RANBP2: variants seen among roughly 807,000 people sequenced by gnomAD.
RANBP2 encodes the protein E3 SUMO-protein ligase RanBP2.
A neutral mutation model predicts 303.6 loss-of-function variants in RANBP2; 57 were observed. The ratio of observed to expected loss-of-function variants is 0.19; its 90% CI spans 0.15 to 0.23. The LOEUF (loss-of-function observed/expected upper bound fraction) is 0.23. Among genes scored for constraint, RANBP2 ranks in the 10% least tolerant of loss-of-function variants. The pLI is 1.00. For synonymous variants in RANBP2, 1,167 were observed against 1,301.5 expected (o/e 0.90, Z 2.23); for missense variants, 3,138 against 3,780.8 (o/e 0.83, Z 4.46).
chr2:109,389,826 G>A, the RANBP2 span, among the ~76,000 whole-genome samples: 106 of 152,168 alleles, frequency 7.0e-4, no homozygotes, highest in African/African-American at 2.4e-3. Context: ...TCCCTGATGG[G>A]GGTGCACTGT....
the RANBP2 span, among the ~76,000 whole-genome samples, chr2:109,113,449 G>C: frequency 6.6e-6 from 1 of 152,156 alleles, no homozygotes; most frequent in Non-Finnish European, 1.5e-5. Flanking sequence ...TGTTATTGGT[G>C]TATAAGAATG....
chr2:108,977,329 C>T, the RANBP2 span, among the ~76,000 whole-genome samples: 2 of 152,116 alleles, frequency 1.3e-5, no homozygotes, highest in Admixed American at 6.5e-5. Context: ...AATGCAGTGG[C>T]GCGATCTCGG....
At chr2:109,206,490 C>CAAAAAAAAAAAAAAA in the RANBP2 span, among the ~76,000 whole-genome samples, 2 of 40,760 alleles carry the variant, frequency 4.9e-5, no homozygotes, top group African/African-American at 2.0e-4. Flanking sequence ...GACTCCGTCT[C>CAAAAAAAAAAAAAAA]AAAAAAAAAA....
At chr2:109,170,316 C>T in the RANBP2 span, among the ~76,000 whole-genome samples, 6 of 135,724 alleles carry the variant, frequency 4.4e-5, no homozygotes, top group East Asian at 4.4e-4. Context: ...TCTCTTCTCT[C>T]CTCTCTCTCT....
chr2:109,178,282 T>C, the RANBP2 span, among the ~76,000 whole-genome samples: 1 of 152,236 alleles, frequency 6.6e-6, no homozygotes, highest in African/African-American at 2.4e-5. Flanking sequence ...GCCTCTTTGC[T>C]TTAATTTTTA....
At chr2:109,655,482 A>G in the RANBP2 span, among the ~76,000 whole-genome samples, 1 of 152,172 alleles carries the variant, frequency 6.6e-6, no homozygotes, top group Admixed American at 6.5e-5. Context: ...TGACTCATGC[A>G]CAGGAAGAGG....
the RANBP2 span, chr2:109,436,903 G>A: frequency 6.2e-7 from 1 of 1,613,334 alleles, no homozygotes; most frequent in East Asian, 2.2e-5. Context: ...GGTGCCTGCA[G>A]GAGGGGCAGG....
the RANBP2 span, among the ~76,000 whole-genome samples, chr2:109,234,888 G>A: frequency 6.6e-6 from 1 of 152,224 alleles, no homozygotes; most frequent in Non-Finnish European, 1.5e-5. Flanking sequence ...AAAGGATTCA[G>A]GGCAAACTAG....
chr2:108,757,983 T>G (rs1426655127), intron 17 of RANBP2, among the ~76,000 whole-genome samples: 1 of 152,182 alleles, frequency 6.6e-6, no homozygotes, highest in Non-Finnish European at 1.5e-5. Context: ...TAGAACTCAC[T>G]GGCAAATAGA....
At chr2:109,202,286 C>G in the RANBP2 span, among the ~76,000 whole-genome samples, 2 of 152,156 alleles carry the variant, frequency 1.3e-5, no homozygotes, top group African/African-American at 2.4e-5. Context: ...ATCTCGGCAG[C>G]GTCTGGACCC....
the RANBP2 span, among the ~76,000 whole-genome samples, chr2:109,096,800 CTT>C: frequency 4.6e-4 from 65 of 142,604 alleles, no homozygotes; most frequent in East Asian, 1.4e-3. Context: ...TTTGGAAACG[CTT>C]TTTTTTTTTT....
At chr2:108,888,193 C>T in the RANBP2 span, among the ~76,000 whole-genome samples, 1 of 152,034 alleles carries the variant, frequency 6.6e-6, no homozygotes, top group East Asian at 1.9e-4. Context: ...TTGAACTATC[C>T]TTGCATCCCT....
the RANBP2 span, among the ~76,000 whole-genome samples, chr2:108,833,894 A>ATTTTT: frequency 4.0e-4 from 32 of 79,214 alleles, no homozygotes; most frequent in African/African-American, 1.6e-3. Context: ...CGCCCGGCTA[A>ATTTTT]TTTTTTTTTT....
At chr2:108,919,239 G>A in the RANBP2 span, among the ~76,000 whole-genome samples, 2 of 152,210 alleles carry the variant, frequency 1.3e-5, no homozygotes, top group African/African-American at 4.8e-5. Flanking sequence ...ACGCAGAGTA[G>A]CAGAGATTTC....
chr2:109,201,906 G>A, the RANBP2 span, among the ~76,000 whole-genome samples: 2 of 152,222 alleles, frequency 1.3e-5, no homozygotes, highest in Non-Finnish European at 2.9e-5. Context: ...TGACACATCT[G>A]AAATCAATAC....
At chr2:109,452,272 C>T in the RANBP2 span, among the ~76,000 whole-genome samples, 8,888 of 152,248 alleles carry the variant, frequency 0.058, 804 homozygotes, top group African/African-American at 0.19. Flanking sequence ...CCCTGCAGGC[C>T]GCTTCCTGAG....
chr2:109,452,862 G>A, the RANBP2 span, among the ~76,000 whole-genome samples: 6 of 148,562 alleles, frequency 4.0e-5, no homozygotes, highest in African/African-American at 1.5e-4. Context: ...GGCTGGTCCC[G>A]GGAGGCTGGT....
chr2:109,412,228 AAC>A, the RANBP2 span, among the ~76,000 whole-genome samples: 4 of 152,324 alleles, frequency 2.6e-5, no homozygotes, highest in Non-Finnish European at 4.4e-5. Flanking sequence ...CAGCAGACAA[AAC>A]ACAGTCTCCT....
chr2:109,461,729 G>A, the RANBP2 span, among the ~76,000 whole-genome samples: 8 of 152,312 alleles, frequency 5.3e-5, no homozygotes, highest in South Asian at 1.2e-3. Context: ...TGCCACAATA[G>A]TGCCTCAGGC....
Sources: gnomAD v4.1 joint callset for allele counts (sites outside exome capture counted in the v4.1 genomes callset) on GRCh38, gnomAD v4.1.1 for gene constraint, MANE v1.5 for transcripts, NCBI Gene and HGNC (gene_info 2026-07-23, HGNC 2026-07-21) for gene names.